The following THRB variants were observed in gnomAD, a reference collection of about 807,000 sequenced individuals.
The protein encoded by THRB is nuclear receptor subfamily 1 group A member 2.
In THRB, 12 loss-of-function variants were observed where a neutral mutation model predicts 47.8. The ratio of observed to expected loss-of-function variants is 0.25; its 90% CI spans 0.16 to 0.41. THRB has a LOEUF of 0.41. THRB is among the 10% of genes least tolerant of loss of function. The probability of loss-of-function intolerance (pLI) is 1.00; values close to 1 mark genes in which losing one functional copy is unlikely to be tolerated. For synonymous variants in THRB, 218 were observed against 212.2 expected (o/e 1.03, Z -0.24); for missense variants, 348 against 589.2 (o/e 0.59, Z 4.24).
chr3:24,262,880 C>T (rs139896531), intron 3 of THRB, among the ~76,000 whole-genome samples: 142 of 151,980 alleles, frequency 9.3e-4, no homozygotes, highest in African/African-American at 3.2e-3. Context: ...ATTACTCTAT[C>T]TCTAGAAACT....
intron 2 of THRB, among the ~76,000 whole-genome samples, chr3:24,299,881 T>C (rs1275765527): frequency 1.3e-5 from 2 of 151,276 alleles, no homozygotes; most frequent in African/African-American, 2.4e-5. Flanking sequence ...TTTCAGTGTG[T>C]TCCTATTGCT....
chr3:24,260,799 A>G (rs990164830), intron 3 of THRB, among the ~76,000 whole-genome samples: 1 of 152,232 alleles, frequency 6.6e-6, no homozygotes, highest in African/African-American at 2.4e-5. Flanking sequence ...AGAACACAGA[A>G]GCAACTGGAA....
At chr3:24,149,619 G>A (rs1320252021) in intron 6 of THRB, among the ~76,000 whole-genome samples, 1 of 152,106 alleles carries the variant, frequency 6.6e-6, no homozygotes, top group Admixed American at 6.5e-5. Context: ...GACTTGTCTT[G>A]GGCACTTCAT....
chr3:24,359,649 T>C (rs2063934367), intron 1 of THRB, among the ~76,000 whole-genome samples: 1 of 152,198 alleles, frequency 6.6e-6, no homozygotes, highest in Non-Finnish European at 1.5e-5. Context: ...TACAATCTTT[T>C]TTCTACTTCC....
intron 3 of THRB, among the ~76,000 whole-genome samples, chr3:24,287,421 G>A (rs1296835621): frequency 6.6e-6 from 1 of 152,172 alleles, no homozygotes; most frequent in Non-Finnish European, 1.5e-5. Flanking sequence ...TTCATTTTAT[G>A]AGCAATGTAG....
At chr3:24,232,575 T>C (rs906188109) in intron 3 of THRB, among the ~76,000 whole-genome samples, 1 of 152,248 alleles carries the variant, frequency 6.6e-6, no homozygotes, top group East Asian at 1.9e-4. Context: ...CTAAGGCCCA[T>C]GGACTACTCT....
Position 24,320,397 on chromosome 3 carries a change from T to C in THRB, c.-189+16903A>G, listed in dbSNP as rs2058408178. 3.3e-5 allele frequency among the ~76,000 whole-genome samples: 5 copies of C among 152,298 alleles called. No individual in the cohort carries two copies. The South Asian group carries it at 1.0e-3, about 32-fold the overall frequency. On this transcript the variant is annotated intron_variant, in intron 2 of 10. Transcript: ENST00000646209. ...ATTTCTTTTACTCTTTCAGTGTTTC[T>C]CAACAAGGACATTATGGCATTCAGG...
At chr3:24,482,208 T>G (rs530205556) in intron 1 of THRB, among the ~76,000 whole-genome samples, 10 of 152,328 alleles carry the variant, frequency 6.6e-5, no homozygotes, top group East Asian at 1.9e-4. Flanking sequence ...TCCGTAATAA[T>G]GAAATAGTAA....
At chr3:24,308,665 T>C (rs1005910284) in intron 2 of THRB, among the ~76,000 whole-genome samples, 2 of 152,118 alleles carry the variant, frequency 1.3e-5, no homozygotes, top group Non-Finnish European at 2.9e-5. Context: ...TAGAACTCTA[T>C]ACTTACATTT....
chr3:24,396,548 T>G (rs1162832179), intron 1 of THRB, among the ~76,000 whole-genome samples: 1 of 152,078 alleles, frequency 6.6e-6, no homozygotes, highest in Non-Finnish European at 1.5e-5. Flanking sequence ...CACTCTATAG[T>G]AGAGACCAAC....
intron 1 of THRB, among the ~76,000 whole-genome samples, chr3:24,449,610 T>G (rs2072443049): frequency 6.6e-6 from 1 of 152,210 alleles, no homozygotes; most frequent in Non-Finnish European, 1.5e-5. Flanking sequence ...TGTTAATGGT[T>G]TTCTGCATAA....
At chr3:24,291,857 G>A (rs190504947) in intron 3 of THRB, among the ~76,000 whole-genome samples, 69 of 152,110 alleles carry the variant, frequency 4.5e-4, no homozygotes, top group African/African-American at 1.7e-3. Flanking sequence ...TTGACACTGT[G>A]ATTCTACATC....
chr3:24,184,167 C>G (rs1001333241), intron 5 of THRB, among the ~76,000 whole-genome samples: 5 of 152,156 alleles, frequency 3.3e-5, no homozygotes, highest in Admixed American at 6.5e-5. Flanking sequence ...TTTAAAAAAG[C>G]CTGTTTTTAA....
At chr3:24,197,631 T>C (rs983918486) in intron 4 of THRB, among the ~76,000 whole-genome samples, 4 of 147,104 alleles carry the variant, frequency 2.7e-5, no homozygotes, top group East Asian at 2.0e-4. Context: ...TTGGAAATAA[T>C]TGAACATAAT....
intron 5 of THRB, among the ~76,000 whole-genome samples, chr3:24,175,505 C>G (rs1214221947): frequency 6.6e-6 from 1 of 152,120 alleles, no homozygotes; most frequent in Non-Finnish European, 1.5e-5. Context: ...TGCACATATA[C>G]AAAAGTGAAC....
chr3:24,125,851 G>A (rs944629240), intron 10 of THRB, among the ~76,000 whole-genome samples: 2 of 152,120 alleles, frequency 1.3e-5, no homozygotes, highest in African/African-American at 4.8e-5. Context: ...TTGGCTAGAA[G>A]CAAGGTACAG....
chr3:24,306,564 G>A (rs1447459825), intron 2 of THRB, among the ~76,000 whole-genome samples: 3 of 152,044 alleles, frequency 2.0e-5, no homozygotes, highest in Non-Finnish European at 2.9e-5. Flanking sequence ...GGCTAAAATC[G>A]ACTCTAGGAA....
intron 5 of THRB, among the ~76,000 whole-genome samples, chr3:24,185,713 G>A (rs2042485392): frequency 1.3e-5 from 2 of 152,172 alleles, no homozygotes; most frequent in African/African-American, 4.8e-5. Context: ...AAAGTGTAAA[G>A]GCCTGACTGC....
At chr3:24,190,513 T>C (rs780002778) in intron 4 of THRB, among the ~76,000 whole-genome samples, 179 bp from the exon 5 acceptor site, 1 of 152,106 alleles carries the variant, frequency 6.6e-6, no homozygotes, top group Admixed American at 6.6e-5. Flanking sequence ...GCCACTGCAG[T>C]TGGGTTGCCT....
Sources: allele counts gnomAD v4.1 joint callset (sites outside exome capture counted in the v4.1 genomes callset), GRCh38; gene constraint gnomAD v4.1.1; transcripts MANE v1.5; gene names NCBI Gene and HGNC (gene_info 2026-07-23, HGNC 2026-07-21).